Variants in ADAMTSL3 observed in about 807,000 individuals in gnomAD.
The protein encoded by ADAMTSL3 is ADAMTS-like protein 3.
ADAMTSL3 carries 128 observed loss-of-function variants against 201.7 expected under a neutral mutation model. That is an observed-to-expected ratio of 0.63 (90% CI 0.55 to 0.73). The LOEUF (loss-of-function observed/expected upper bound fraction) is 0.73, where lower values mean the gene tolerates loss of function less well. ADAMTSL3 is among the 30% of genes least tolerant of loss of function. ADAMTSL3 has a pLI of 0.00. For synonymous variants in ADAMTSL3, 738 were observed against 748.4 expected, an observed-to-expected ratio of 0.99 and a Z score of 0.23; for missense variants, 1,990 against 2,119.6, an observed-to-expected ratio of 0.94 and a Z score of 1.20.
At position 83,914,835 on chromosome 15, in the gene ADAMTSL3, TTTTGTTTGTTTGGTTTTGTTTGTTTG is replaced by T. The variant is rs1429221610; in HGVS notation, c.1987+1470_1987+1495del. Among the ~76,000 whole-genome samples, 35 of 137,050 alleles carry T rather than the reference TTTTGTTTGTTTGGTTTTGTTTGTTTG, an allele frequency of 2.6e-4. 2 individuals carry two copies. Among genetic ancestry groups the T allele is most frequent in the African/African-American group, 1.2e-4 (4 of 34,768 alleles). The allele number at this position is 137,050 out of a possible 152,430, so 89.9% of individuals were successfully genotyped here. On this transcript the variant is annotated intron_variant, in intron 16 of 29. Coordinates refer to ENST00000286744, the MANE Select transcript of ADAMTSL3 (RefSeq NM_207517.3). ...GACACGTTTTTGTTTGTTTGTTGTT[TTTTGTTTGTTTGGTTTTGTTTGTTTG>T]TTTGTTTGTTTGTTTTTTGTTTTTT...
At position 83,929,783 on chromosome 15, in the gene ADAMTSL3, G is replaced by GACAC. The variant is rs144659875; in HGVS notation, c.2117+5767_2117+5770dup. Among the ~76,000 whole-genome samples, 90 of 148,038 alleles carry GACAC rather than the reference G, an allele frequency of 6.1e-4. No individual in the cohort carries two copies. The South Asian group carries it at 0.018, about 29-fold the overall frequency. ...AGAGAGAGACAGAGAGACAGAGACA[G>GACAC]ACACACACACACACACACACTCAGA... On this transcript the variant is annotated intron_variant, in intron 17 of 29. Transcript: ENST00000286744.
chr15:83,918,520 G>A (rs1596404643), intron 16 of ADAMTSL3, among the ~76,000 whole-genome samples: 1 of 152,296 alleles, frequency 6.6e-6, no homozygotes, highest in East Asian at 1.9e-4. Flanking sequence ...AGGGGGTTTG[G>A]AGGGGGTGGC....
chr15:83,729,186 A>G (rs1010312905), intron 3 of ADAMTSL3, among the ~76,000 whole-genome samples: 1 of 151,848 alleles, frequency 6.6e-6, no homozygotes, highest in African/African-American at 2.4e-5. Context: ...TCCTTTCTTT[A>G]TTCTTAACCC....
chr15:83,988,945 G>A (rs2067535022), intron 22 of ADAMTSL3, 127 bp downstream of exon 22: 1 of 496,686 alleles, frequency 2.0e-6, no homozygotes, highest in Non-Finnish European at 2.7e-6. Context: ...GCAGTGGCGT[G>A]ATCTCGGCTC....
intron 23 of ADAMTSL3, among the ~76,000 whole-genome samples, chr15:83,999,877 C>T (rs527771594): frequency 6.6e-6 from 1 of 151,942 alleles, no homozygotes; most frequent in South Asian, 2.1e-4. Context: ...TAACAATTAC[C>T]CTTTCAGGGG....
intron 4 of ADAMTSL3, among the ~76,000 whole-genome samples, chr15:83,787,285 T>C (rs2063280182): frequency 6.6e-6 from 1 of 152,224 alleles, no homozygotes; most frequent in South Asian, 2.1e-4. Context: ...TTAGGTGGCA[T>C]AGATGGTGTA....
At chr15:83,749,580 A>C (rs932151529) in intron 3 of ADAMTSL3, among the ~76,000 whole-genome samples, 1 of 152,180 alleles carries the variant, frequency 6.6e-6, no homozygotes, top group Non-Finnish European at 1.5e-5. Context: ...GGAAGGTTCT[A>C]ACTGCCCAGC....
chr15:83,678,797 A>AATATATATTC (rs1567066875), intron 2 of ADAMTSL3, among the ~76,000 whole-genome samples: 2 of 139,356 alleles, frequency 1.4e-5, no homozygotes, highest in African/African-American at 2.7e-5. Flanking sequence ...ATGTATATAT[A>AATATATATTC]ATATATATTT....
At chr15:83,869,051 C>A (rs1596334890) in intron 8 of ADAMTSL3, among the ~76,000 whole-genome samples, 2 of 152,298 alleles carry the variant, frequency 1.3e-5, no homozygotes, top group East Asian at 1.9e-4. Context: ...AATTACTACT[C>A]CAACACAGCC....
At chr15:83,960,595 G>A (rs1447816878) in intron 19 of ADAMTSL3, among the ~76,000 whole-genome samples, 1 of 152,116 alleles carries the variant, frequency 6.6e-6, no homozygotes, top group African/African-American at 2.4e-5. Flanking sequence ...TCCTTGCCAA[G>A]GAAGGCTGCC....
intron 3 of ADAMTSL3, among the ~76,000 whole-genome samples, chr15:83,714,965 A>AT (rs1310517983): frequency 1.7e-5 from 2 of 120,350 alleles, no homozygotes; most frequent in East Asian, 4.7e-4. Context: ...TCATCTTGGA[A>AT]TTTTTTTTCT....
intron 25 of ADAMTSL3, among the ~76,000 whole-genome samples, chr15:84,016,834 T>C (rs1360474538): frequency 6.6e-6 from 1 of 152,218 alleles, no homozygotes; most frequent in Non-Finnish European, 1.5e-5. Context: ...GCTATGAGTA[T>C]TGGAATTGAT....
intron 3 of ADAMTSL3, chr15:83,740,096 G>A (rs1167645300): frequency 1.7e-5 from 5 of 289,264 alleles, no homozygotes; most frequent in Non-Finnish European, 3.7e-5. Flanking sequence ...TAACTGTGCC[G>A]GTGGCCACTT....
rs556212457 is a variant in ADAMTSL3 at position 83,782,386 on chromosome 15, A to G, written c.317+8736A>G. ...CAGCTACTCAGGAGGCTCAAGCAGGAGAATCTCTTGAACATGGGAGGTGGA... is the reference window on the plus strand; with the variant it reads ...CAGCTACTCAGGAGGCTCAAGCAGGGGAATCTCTTGAACATGGGAGGTGGA... On this transcript the variant is annotated intron_variant, in intron 4 of 29. Coordinates refer to ENST00000286744, the MANE Select transcript of ADAMTSL3 (RefSeq NM_207517.3). Among the ~76,000 whole-genome samples, 110 of 152,284 alleles carry G rather than the reference A, an allele frequency of 7.2e-4. 6 individuals carry two copies. In the South Asian group the frequency reaches 0.02, roughly 27 times the overall value.
At chr15:83,855,518 G>C (rs1014927623) in intron 7 of ADAMTSL3, among the ~76,000 whole-genome samples, 1 of 152,136 alleles carries the variant, frequency 6.6e-6, no homozygotes, top group African/African-American at 2.4e-5. Context: ...ATTGGGAATT[G>C]GGCATTGAAG....
At chr15:83,673,247 C>A (rs891318919) in intron 2 of ADAMTSL3, among the ~76,000 whole-genome samples, 2 of 152,138 alleles carry the variant, frequency 1.3e-5, no homozygotes, top group African/African-American at 2.4e-5. Flanking sequence ...GATAACAGAG[C>A]TTTTGGGGAG....
chr15:83,846,102 C>T (rs974640975), intron 7 of ADAMTSL3, among the ~76,000 whole-genome samples: 1 of 152,126 alleles, frequency 6.6e-6, no homozygotes, highest in African/African-American at 2.4e-5. Flanking sequence ...CTGCAACACC[C>T]GTGGTCACCC....
chr15:83,954,818 A>G (rs2066826122), intron 19 of ADAMTSL3, among the ~76,000 whole-genome samples: 1 of 152,168 alleles, frequency 6.6e-6, no homozygotes, highest in Admixed American at 6.5e-5. Context: ...ACTTTCTCCC[A>G]AACAAACAGC....
At chr15:83,997,248 T>G (rs776711138) in intron 23 of ADAMTSL3, among the ~76,000 whole-genome samples, 20 of 152,162 alleles carry the variant, frequency 1.3e-4, no homozygotes, top group Non-Finnish European at 2.9e-5. Context: ...AAGAAAAGTT[T>G]GGGGATAGAA....
Sources: gnomAD v4.1 joint callset for allele counts (sites outside exome capture counted in the v4.1 genomes callset) on GRCh38, gnomAD v4.1.1 for gene constraint, MANE v1.5 for transcripts, NCBI Gene and HGNC (gene_info 2026-07-23, HGNC 2026-07-21) for gene names.